The following CAMTA1 variants were observed in gnomAD, a reference collection of about 807,000 sequenced individuals.
CAMTA1 encodes calmodulin-binding transcription activator 1.
CAMTA1 carries 27 observed loss-of-function variants against 170.9 expected under a neutral mutation model. The observed-to-expected ratio is 0.16, with a 90% CI of 0.12 to 0.22. CAMTA1 has a LOEUF of 0.22. Among genes scored for constraint, CAMTA1 ranks in the 10% least tolerant of loss-of-function variants. The pLI is 1.00. For synonymous variants in CAMTA1, 833 were observed against 891.5 expected (o/e 0.93, Z 1.17); for missense variants, 1,619 against 2,217.2 (o/e 0.73, Z 5.42).
At chr1:7,737,790 G>A (rs1393757395) in intron 15 of CAMTA1, among the ~76,000 whole-genome samples, 169 bp from the exon 16 acceptor site, 1 of 152,192 alleles carries the variant, frequency 6.6e-6, no homozygotes, top group Non-Finnish European at 1.5e-5. Flanking sequence ...AATTTTGGAG[G>A]AGGAAGATCT....
At chr1:7,338,858 C>T (rs61286522) in intron 5 of CAMTA1, among the ~76,000 whole-genome samples, 10,722 of 152,164 alleles carry the variant, frequency 0.07, 1,270 homozygotes, top group African/African-American at 0.25. Flanking sequence ...TAATCTATAA[C>T]GAAAAGAGGT....
chr1:7,031,203 A>G (rs1473613426), intron 3 of CAMTA1, among the ~76,000 whole-genome samples: 1 of 151,756 alleles, frequency 6.6e-6, no homozygotes, highest in Non-Finnish European at 1.5e-5. Flanking sequence ...AGATTTGTCT[A>G]TTTCTTCTTG....
chr1:6,930,964 C>T (rs934431515), intron 3 of CAMTA1, among the ~76,000 whole-genome samples: 2 of 152,354 alleles, frequency 1.3e-5, no homozygotes, highest in South Asian at 2.1e-4. Flanking sequence ...CACATCTGGG[C>T]CCTAGCTTTT....
chr1:7,261,016 T>C (rs1326564110), intron 5 of CAMTA1, among the ~76,000 whole-genome samples: 1 of 152,222 alleles, frequency 6.6e-6, no homozygotes, highest in Non-Finnish European at 1.5e-5. Flanking sequence ...GTGGTGGTGA[T>C]AAGGAAATCA....
chr1:6,798,864 C>G (rs951619924), intron 1 of CAMTA1, among the ~76,000 whole-genome samples: 3 of 151,750 alleles, frequency 2.0e-5, no homozygotes, highest in Admixed American at 6.6e-5. Flanking sequence ...CCAAAGTGCT[C>G]GGATTACAGA....
rs149008740 is a variant in CAMTA1, at chr1:7,240,993, G to A, written c.303-8498G>A. On this transcript the variant is annotated intron_variant, in intron 4 of 22. Coordinates refer to ENST00000303635, the MANE Select transcript of CAMTA1 (RefSeq NM_015215.4). The stretch of plus-strand genomic sequence containing the variant: ...AAGAGAAAGAAAAGCATCCACAATG[G>A]GAAGAAGAAAGTGGAGTCACAGGTG... 7.5e-3 allele frequency among the ~76,000 whole-genome samples: 1,139 copies of A among 152,126 alleles called. 8 individuals are homozygous for A. The highest frequency in any genetic ancestry group is 0.011 in the Non-Finnish European group (750 of 67,982).
intron 3 of CAMTA1, among the ~76,000 whole-genome samples, chr1:6,953,543 C>T (rs1012535184): frequency 2.6e-5 from 4 of 152,214 alleles, no homozygotes; most frequent in Admixed American, 6.5e-5. Flanking sequence ...GGCTTAGGAC[C>T]GAAGCCCAGG....
intron 5 of CAMTA1, chr1:7,370,396 G>A (rs2086350675): frequency 6.6e-6 from 1 of 152,142 alleles, no homozygotes; most frequent in African/African-American, 2.4e-5. Context: ...AGTGCAGAAC[G>A]TTTTTCTGCT....
intron 3 of CAMTA1, among the ~76,000 whole-genome samples, chr1:6,871,266 T>G (rs1179356242): frequency 6.6e-6 from 1 of 152,224 alleles, no homozygotes; most frequent in East Asian, 1.9e-4. Flanking sequence ...TTAATAGATA[T>G]AGTTACACGG....
chr1:7,036,453 C>A (rs1180291973), intron 3 of CAMTA1, among the ~76,000 whole-genome samples: 1 of 152,206 alleles, frequency 6.6e-6, no homozygotes, highest in Non-Finnish European at 1.5e-5. Context: ...CAGCCAGGGA[C>A]CTCACCTAGT....
In CAMTA1 at chr1:7,661,722, A is replaced by G. The variant is rs2095959909; in HGVS notation, c.665-4A>G. 6.2e-7 allele frequency: 1 copy of G among 1,612,852 alleles called. No homozygotes were observed. Among genetic ancestry groups the G allele is most frequent in the African/African-American group, 1.3e-5 (1 of 74,572 alleles). On this transcript the variant is annotated splice_polypyrimidine_tract_variant and splice_region_variant and intron_variant, in intron 7 of 22. Transcript: ENST00000303635. ...TGACAGCCCCCCTGCCTCTCTCTTC[A>G]CAGTCCATGGCATCAAGTGGACCTG...
intron 4 of CAMTA1, among the ~76,000 whole-genome samples, chr1:7,179,472 A>T (rs1651651482): frequency 6.6e-6 from 1 of 152,270 alleles, no homozygotes; most frequent in Non-Finnish European, 1.5e-5. Flanking sequence ...TCAGGTATAC[A>T]TGGAGCATTT....
chr1:6,862,802 C>A (rs1665233563), intron 3 of CAMTA1, among the ~76,000 whole-genome samples: 1 of 152,142 alleles, frequency 6.6e-6, no homozygotes, highest in Admixed American at 6.5e-5. Context: ...CTGTCTGTGA[C>A]CATTAAATGT....
intron 1 of CAMTA1, among the ~76,000 whole-genome samples, chr1:6,816,027 T>C (rs1343563616): frequency 6.6e-6 from 1 of 152,086 alleles, no homozygotes; most frequent in Non-Finnish European, 1.5e-5. Context: ...TGGGGACCTT[T>C]AAAAAAATAC....
chr1:7,260,824 C>T (rs1668054196), intron 5 of CAMTA1, among the ~76,000 whole-genome samples: 1 of 152,220 alleles, frequency 6.6e-6, no homozygotes, highest in Non-Finnish European at 1.5e-5. Flanking sequence ...TCTCTTTCAT[C>T]TTTGCTGCCA....
chr1:7,424,971 C>T (rs1410147333), intron 5 of CAMTA1, among the ~76,000 whole-genome samples: 1 of 152,004 alleles, frequency 6.6e-6, no homozygotes, highest in African/African-American at 2.4e-5. Context: ...GGGAGGGAGG[C>T]AGGATGGACT....
chr1:7,420,860 C>T (rs2091517023), intron 5 of CAMTA1, among the ~76,000 whole-genome samples: 1 of 152,216 alleles, frequency 6.6e-6, no homozygotes, highest in Non-Finnish European at 1.5e-5. Context: ...GGCACGTTCC[C>T]AGCCACAGGT....
chr1:7,620,120 G>A (rs1270897768), intron 6 of CAMTA1, among the ~76,000 whole-genome samples: 1 of 152,152 alleles, frequency 6.6e-6, no homozygotes, highest in African/African-American at 2.4e-5. Context: ...CTTGAAAGTT[G>A]AACATCGTGG....
At position 7,172,339 on chromosome 1, in the gene CAMTA1, AG is replaced by A. The variant is rs370637626; in HGVS notation, c.303-77149del. 6.3e-3 allele frequency among the ~76,000 whole-genome samples: 960 copies of A among 152,268 alleles called. 6 individuals are homozygous for A. Among genetic ancestry groups the A allele is most frequent in the Non-Finnish European group, 1.0e-2 (679 of 68,010 alleles). On this transcript the variant is annotated intron_variant, in intron 4 of 22. Coordinates refer to ENST00000303635, the MANE Select transcript of CAMTA1 (RefSeq NM_015215.4). ...TAATTTTTGTATTTTTAGTAGAGAC[AG>A]GGTTTCACCGTGTTGGCCAGACTGC...
Sources: allele counts gnomAD v4.1 joint callset (sites outside exome capture counted in the v4.1 genomes callset), GRCh38; gene constraint gnomAD v4.1.1; transcripts MANE v1.5; gene names NCBI Gene and HGNC (gene_info 2026-07-23, HGNC 2026-07-21).